The following RAP1GAP2 variants were observed in gnomAD, a reference collection of about 807,000 sequenced individuals.
RAP1GAP2 encodes rap1 GTPase-activating protein 2.
In RAP1GAP2, 27 loss-of-function variants were observed where a neutral mutation model predicts 95.0. The ratio of observed to expected loss-of-function variants is 0.28; its 90% CI spans 0.21 to 0.39. The LOEUF (loss-of-function observed/expected upper bound fraction) is 0.39. RAP1GAP2 is among the 10% of genes least tolerant of loss of function. RAP1GAP2 has a pLI of 1.00. For missense variants in RAP1GAP2, 771 were observed against 970.0 expected (o/e 0.79, Z 2.72); for synonymous variants, 373 against 380.9 (o/e 0.98, Z 0.24).
chr17:2,881,528 G>A (rs191837044), intron 2 of RAP1GAP2, among the ~76,000 whole-genome samples: 151 of 152,248 alleles, frequency 9.9e-4, no homozygotes, highest in African/African-American at 3.3e-3. Context: ...GGTGTGCCAC[G>A]TTTTGTTTAT....
At chr17:2,950,003 C>A (rs1047022564) in intron 3 of RAP1GAP2, among the ~76,000 whole-genome samples, 6 of 152,046 alleles carry the variant, frequency 3.9e-5, no homozygotes, top group Non-Finnish European at 8.8e-5. Flanking sequence ...CTGTGCCAGC[C>A]CCAGGCCATG....
intron 3 of RAP1GAP2, among the ~76,000 whole-genome samples, chr17:2,929,201 C>A (rs562118072): frequency 1.7e-4 from 26 of 152,326 alleles, no homozygotes; most frequent in Admixed American, 5.2e-4. Flanking sequence ...CCACTGTACT[C>A]CAGCCTGGGC....
chr17:3,003,673 C>G lies in RAP1GAP2; in HGVS notation c.1201-1696C>G, dbSNP rs1463745384. 6.6e-6 allele frequency among the ~76,000 whole-genome samples: 1 copy of G among 152,168 alleles called. No homozygotes were observed. The highest frequency in any genetic ancestry group is 2.4e-5 in the African/African-American group (1 of 41,440). Reference sequence around the variant, plus strand: ...CAGAGTCACCTGCATCTGCCTCTCTCCCTCCCTCCAAGCCCTCGCTGGAGG... The same window carrying G: ...CAGAGTCACCTGCATCTGCCTCTCTGCCTCCCTCCAAGCCCTCGCTGGAGG... On this transcript the variant is annotated intron_variant, in intron 14 of 24. Transcript: ENST00000254695. This position sits in a 1 kb window ranked among gnomAD's most constrained non-coding sequence, Gnocchi z 4.1.
chr17:2,853,864 AGGCGG>A, intron 2 of RAP1GAP2: 1 of 943,546 alleles, frequency 1.1e-6, no homozygotes, highest in Non-Finnish European at 1.3e-6. Flanking sequence ...GGGCGCACCT[AGGCGG>A]GGCGGGGCCC....
intron 3 of RAP1GAP2, among the ~76,000 whole-genome samples, chr17:2,917,593 CG>C (rs2042613212): frequency 6.6e-6 from 1 of 151,346 alleles, no homozygotes; most frequent in African/African-American, 2.4e-5. Flanking sequence ...TTAGTAGAGA[CG>C]GGGTTTCACC....
intron 17 of RAP1GAP2, among the ~76,000 whole-genome samples, chr17:3,009,507 G>A (rs1333361109): frequency 2.6e-5 from 4 of 152,148 alleles, no homozygotes; most frequent in East Asian, 1.9e-4. Flanking sequence ...ATCCAGGTCC[G>A]CCGGATTCCA....
intron 2 of RAP1GAP2, among the ~76,000 whole-genome samples, chr17:2,813,894 C>T (rs950192169): frequency 1.6e-4 from 24 of 151,862 alleles, no homozygotes; most frequent in Admixed American, 1.1e-3. Flanking sequence ...ACCCGGGAGG[C>T]GGAGGTTGCA....
At chr17:2,788,752 G>A (rs1193847636) in intron 1 of RAP1GAP2, among the ~76,000 whole-genome samples, 3 of 152,264 alleles carry the variant, frequency 2.0e-5, no homozygotes, top group African/African-American at 7.2e-5. Flanking sequence ...AGGAGAAGGC[G>A]GGTTCTCAGC....
intron 2 of RAP1GAP2, among the ~76,000 whole-genome samples, chr17:2,889,887 ATATTT>A (rs1375435803): frequency 2.8e-4 from 11 of 38,732 alleles, no homozygotes; most frequent in African/African-American, 4.7e-4. Context: ...ATATATATAT[ATATTT>A]TTTTTTTTTT....
At chr17:2,869,392 C>T (rs1050453238) in intron 2 of RAP1GAP2, among the ~76,000 whole-genome samples, 4 of 150,098 alleles carry the variant, frequency 2.7e-5, no homozygotes, top group African/African-American at 9.9e-5. Flanking sequence ...AGTTGTACAA[C>T]GATGTAAATG....
chr17:2,960,133 A>AAAAC (rs1555578025), intron 4 of RAP1GAP2, among the ~76,000 whole-genome samples: 1 of 151,346 alleles, frequency 6.6e-6, no homozygotes, highest in African/African-American at 2.4e-5. Flanking sequence ...CAAAAAAAAA[A>AAAAC]AAAAAAAACA....
intron 3 of RAP1GAP2, among the ~76,000 whole-genome samples, chr17:2,939,789 C>T (rs2043423141): frequency 1.3e-5 from 2 of 152,222 alleles, no homozygotes; most frequent in Non-Finnish European, 2.9e-5. Context: ...TGGAAGGGAC[C>T]CCCTTGCCCT....
chr17:2,933,975 G>C (rs34231645), intron 3 of RAP1GAP2, among the ~76,000 whole-genome samples: 11,312 of 152,336 alleles, frequency 0.074, 520 homozygotes, highest in Middle Eastern at 0.12. Context: ...TTGGAAAAAT[G>C]GGGCCGATTG....
At position 2,911,680 on chromosome 17, in the gene RAP1GAP2, G is replaced by A. The variant is rs560134211; in HGVS notation, c.165+6312G>A. ...GGAGGAGAGGAGGGGGAAACGCTAT[G>A]TGGGGAGGTGGGGTGGGATGGGGCG... On this transcript the variant is annotated intron_variant, in intron 3 of 24. Coordinates refer to ENST00000254695, the MANE Select transcript of RAP1GAP2 (RefSeq NM_015085.5). Among the ~76,000 whole-genome samples, 559 of 150,642 alleles carry A rather than the reference G, an allele frequency of 3.7e-3. 3 individuals carry two copies. The highest frequency in any genetic ancestry group is 0.012 in the African/African-American group (488 of 40,916).
intron 2 of RAP1GAP2, among the ~76,000 whole-genome samples, chr17:2,814,408 A>T (rs1365375102): frequency 6.6e-6 from 1 of 152,060 alleles, no homozygotes; most frequent in East Asian, 1.9e-4. Context: ...CTTCCCTGTC[A>T]GCATCAGGGT....
intron 2 of RAP1GAP2, among the ~76,000 whole-genome samples, chr17:2,843,981 T>C (rs2071473870): frequency 6.6e-6 from 1 of 152,046 alleles, no homozygotes; most frequent in Non-Finnish European, 1.5e-5. Flanking sequence ...GAGCGTTGGG[T>C]AAAAGGAAGA....
In RAP1GAP2 at chr17:3,036,057, C is replaced by T. The variant is rs564047677; in HGVS notation, c.*2696C>T. 1.3e-5 allele frequency: 2 copies of T among 152,334 alleles called. No individual in the cohort carries two copies. Among genetic ancestry groups the T allele is most frequent in the South Asian group, 2.1e-4 (1 of 4,826 alleles). 9.4% of individuals were successfully genotyped at this position (152,334 alleles called of 1,614,324 possible). A position where few individuals can be genotyped will look rare whatever the true frequency, so the allele number is the denominator to read the frequency against. On this transcript the variant is annotated 3_prime_UTR_variant, in exon 25 of 25. Transcript: ENST00000254695. ...TACTTTTCAGGCACTGTAGGGTCACCCATATGCCTCCAGCTCAGTTGACGC... is the reference window on the plus strand; with the variant it reads ...TACTTTTCAGGCACTGTAGGGTCACTCATATGCCTCCAGCTCAGTTGACGC...
intron 12 of RAP1GAP2, among the ~76,000 whole-genome samples, chr17:2,994,312 C>T (rs1048229475): frequency 1.3e-5 from 2 of 152,100 alleles, no homozygotes; most frequent in Non-Finnish European, 2.9e-5. Flanking sequence ...GATTCTAGGT[C>T]CATCTTATTT....
chr17:2,872,657 C>G (rs1186626038), intron 2 of RAP1GAP2, among the ~76,000 whole-genome samples: 1 of 151,962 alleles, frequency 6.6e-6, no homozygotes, highest in African/African-American at 2.4e-5. Context: ...GTTTTTGATA[C>G]TGACAACTTT....
Sources: gnomAD v4.1 joint callset for allele counts (sites outside exome capture counted in the v4.1 genomes callset) on GRCh38, gnomAD v4.1.1 for gene constraint, Gnocchi (gnomAD v3.1) non-coding constraint, MANE v1.5 for transcripts, NCBI Gene and HGNC (gene_info 2026-07-23, HGNC 2026-07-21) for gene names.